The following ACOT7 variants were observed in gnomAD, a reference collection of about 807,000 sequenced individuals.
ACOT7 encodes acyl-CoA thioesterase 7.
In ACOT7, 12 loss-of-function variants were observed where a neutral mutation model predicts 40.2. The observed-to-expected ratio is 0.30, with a 90% CI of 0.19 to 0.48. The LOEUF is 0.48. Ranked by LOEUF, ACOT7 falls within the 20% of genes least tolerant of loss-of-function variation. ACOT7 has a pLI of 0.99. For missense variants in ACOT7, 395 were observed against 530.8 expected, an observed-to-expected ratio of 0.74 and a Z score of 2.51; for synonymous variants, 228 against 219.5, an observed-to-expected ratio of 1.04 and a Z score of -0.34.
At position 6,358,121 on chromosome 1, in the gene ACOT7, G is replaced by A. The variant is rs534789325; in HGVS notation, c.144-8255C>T. Among the ~76,000 whole-genome samples the A allele has an allele frequency of 2.0e-5, 3 of 151,936 alleles. No homozygotes were observed. The highest frequency in any genetic ancestry group is 2.9e-5 in the Non-Finnish European group (2 of 67,950). On this transcript the variant is annotated intron_variant, in intron 1 of 8. Coordinates refer to ENST00000361521, the MANE Select transcript of ACOT7 (RefSeq NM_007274.4). This position sits in a 1 kb window ranked among gnomAD's most constrained non-coding sequence, Gnocchi z 4.1. ...TGACCTCAGTTGATCCACCTGCCTC[G>A]GCCTCCCAAAGTGCTGAGATTACAG...
chr1:6,303,761 C>T (rs1640037064), intron 6 of ACOT7, among the ~76,000 whole-genome samples: 1 of 152,182 alleles, frequency 6.6e-6, no homozygotes, highest in African/African-American at 2.4e-5. Context: ...CAGCCCTGGC[C>T]TCTCCCTCCC....
At chr1:6,322,642 T>C (rs1332399087) in intron 5 of ACOT7, among the ~76,000 whole-genome samples, 1 of 152,242 alleles carries the variant, frequency 6.6e-6, no homozygotes, top group Non-Finnish European at 1.5e-5. Context: ...TTCCTCTGTG[T>C]GTGTCTGTCC....
Position 6,306,497 on chromosome 1 carries a change from C to T in ACOT7, c.713-11517G>A, listed in dbSNP as rs576835234. On this transcript the variant is annotated intron_variant, in intron 6 of 8. Transcript: ENST00000361521. The surrounding 1 kb of genome is among the most constrained non-coding windows in gnomAD (Gnocchi z 4.3). ...CAAGGTTCAAGTTCACCAGTCCCCA[C>T]GTCCCGCTCCCCCGCTGAAGCATCA... The T allele has an allele frequency of 6.1e-5, 60 of 985,352 alleles. No individual in the cohort carries two copies. In the South Asian group the frequency reaches 1.6e-3, roughly 25 times the overall value. The allele number at this position is 985,352 out of a possible 1,614,324, so 61.0% of individuals were successfully genotyped here.
Position 6,301,619 on chromosome 1 carries a change from T to C in ACOT7, c.713-6639A>G, listed in dbSNP as rs1218442122. Among the ~76,000 whole-genome samples, 1 of 152,206 alleles carries C rather than the reference T, an allele frequency of 6.6e-6. No individual in the cohort carries two copies. Reference sequence around the variant, plus strand: ...TGGTGCTCAGGAAATGGTTGCTGAATGAATGAATTAATCAATGAATGAATG... The same window carrying C: ...TGGTGCTCAGGAAATGGTTGCTGAACGAATGAATTAATCAATGAATGAATG... On this transcript the variant is annotated intron_variant, in intron 6 of 8. Coordinates refer to ENST00000361521, the MANE Select transcript of ACOT7 (RefSeq NM_007274.4). This position sits in a 1 kb window ranked among gnomAD's most constrained non-coding sequence, Gnocchi z 4.1.
intron 1 of ACOT7, among the ~76,000 whole-genome samples, chr1:6,367,058 G>T (rs1364099998): frequency 6.6e-6 from 1 of 151,974 alleles, no homozygotes; most frequent in Non-Finnish European, 1.5e-5. Context: ...AATTAGCTGG[G>T]CATGGTGGCA....
chr1:6,378,443 C>G (rs1252480226), intron 1 of ACOT7, among the ~76,000 whole-genome samples: 1 of 151,996 alleles, frequency 6.6e-6, no homozygotes, highest in Non-Finnish European at 1.5e-5. Flanking sequence ...CAGTCCCGGG[C>G]TCATGGGCAC....
chr1:6,305,015 G>A (rs1441841291), intron 6 of ACOT7, among the ~76,000 whole-genome samples: 1 of 150,202 alleles, frequency 6.7e-6, no homozygotes, highest in Non-Finnish European at 1.5e-5. Context: ...CGGCTGGCCG[G>A]GCGGGGCGCT....
chr1:6,276,764 G>A (rs1439888828), intron 8 of ACOT7, among the ~76,000 whole-genome samples: 2 of 152,172 alleles, frequency 1.3e-5, no homozygotes, highest in Non-Finnish European at 2.9e-5. Context: ...AGCCTGCCCC[G>A]CCAGTGGCTA....
At chr1:6,376,395 C>T (rs974340950) in intron 1 of ACOT7, among the ~76,000 whole-genome samples, 2 of 151,888 alleles carry the variant, frequency 1.3e-5, no homozygotes, top group Middle Eastern at 3.4e-3. Context: ...ATTGTACCAC[C>T]GCTTTCCAGC....
chr1:6,317,939 C>T (rs1157827885), intron 6 of ACOT7, among the ~76,000 whole-genome samples: 1 of 152,172 alleles, frequency 6.6e-6, no homozygotes, highest in African/African-American at 2.4e-5. Context: ...GCCATGTTGG[C>T]CAGGCCGGTC....
At chr1:6,293,090 C>T (rs569895820) in intron 7 of ACOT7, among the ~76,000 whole-genome samples, 5 of 152,142 alleles carry the variant, frequency 3.3e-5, no homozygotes, top group African/African-American at 1.2e-4. Flanking sequence ...AGGTTTTCAC[C>T]ATGTTAACCA....
intron 5 of ACOT7, among the ~76,000 whole-genome samples, chr1:6,323,589 A>G (rs1446843758): frequency 2.6e-5 from 4 of 151,560 alleles, no homozygotes; most frequent in Non-Finnish European, 1.5e-5. Context: ...GTGGTGGCAC[A>G]TGCCTGTAAT....
rs777493966 is a variant in ACOT7 at position 6,393,309 on chromosome 1, G to C, written c.91C>G (p.Pro31Ala). The part of the protein sequence containing the change: ...QPPAASAAAA[P>A]SMSGPDVETP... Reference sequence around the variant, plus strand: ...TCGACGTCTGGGCCCGACATGCTGGGGGCTGCGGCGGCGGATGCGGCGGGC... The same window carrying C: ...TCGACGTCTGGGCCCGACATGCTGGCGGCTGCGGCGGCGGATGCGGCGGGC... Residue 31 changes from proline to alanine, a missense_variant, in exon 1 of 9, where the codon CCC becomes GCC. By Grantham distance (27) the Pro-to-Ala change is conservative (BLOSUM62 -1). Around this residue, in one of 2 missense-constraint regions of ACOT7, gnomAD observed 86 missense variants for 60.5 expected, o/e 1.42. Transcript: ENST00000361521. 1 of 1,281,724 alleles carries C rather than the reference G, an allele frequency of 7.8e-7. No individual in the cohort carries two copies. The highest frequency in any genetic ancestry group is 9.9e-7 in the Non-Finnish European group (1 of 1,014,172). The allele number at this position is 1,281,724 out of a possible 1,614,324, so 79.4% of individuals were successfully genotyped here.
chr1:6,370,457 G>GTAT (rs34962967), intron 1 of ACOT7, among the ~76,000 whole-genome samples: 14,545 of 140,652 alleles, frequency 0.1, 763 homozygotes, highest in Middle Eastern at 0.12. Flanking sequence ...AGCAGTGTTA[G>GTAT]TATTATTATT....
rs925216880 is a variant in ACOT7, at chr1:6,299,729, C to A, written c.713-4749G>T. ...TGCGTGTGTTTAAGGGGCTTAGTAGCGGCAGAGCTGCAGCCCACAGACTGA... is the reference window on the plus strand; with the variant it reads ...TGCGTGTGTTTAAGGGGCTTAGTAGAGGCAGAGCTGCAGCCCACAGACTGA... On this transcript the variant is annotated intron_variant, in intron 6 of 8. Coordinates refer to ENST00000361521, the MANE Select transcript of ACOT7 (RefSeq NM_007274.4). This position sits in a 1 kb window ranked among gnomAD's most constrained non-coding sequence, Gnocchi z 4.1. 6.6e-6 allele frequency among the ~76,000 whole-genome samples: 1 copy of A among 151,956 alleles called. No individual in the cohort carries two copies. Among genetic ancestry groups the A allele is most frequent in the Admixed American group, 6.6e-5 (1 of 15,250 alleles).
intron 1 of ACOT7, among the ~76,000 whole-genome samples, chr1:6,366,052 G>A (rs774027993): frequency 1.5e-4 from 23 of 151,728 alleles, no homozygotes; most frequent in South Asian, 1.0e-3. Flanking sequence ...GCGTCACCAC[G>A]CCCAGCTAAT....
At chr1:6,343,028 T>C (rs1343788540) in intron 2 of ACOT7, among the ~76,000 whole-genome samples, 1 of 152,228 alleles carries the variant, frequency 6.6e-6, no homozygotes. Flanking sequence ...CCTTAGGACA[T>C]TGACAGCATG....
At position 6,358,235 on chromosome 1, in the gene ACOT7, G is replaced by A. The variant is rs556148761; in HGVS notation, c.144-8369C>T. 6.4e-4 allele frequency among the ~76,000 whole-genome samples: 97 copies of A among 152,152 alleles called. No homozygotes were observed. Among genetic ancestry groups the A allele is most frequent in the Non-Finnish European group, 1.1e-3 (73 of 68,006 alleles). On this transcript the variant is annotated intron_variant, in intron 1 of 8. Transcript: ENST00000361521. This position sits in a 1 kb window ranked among gnomAD's most constrained non-coding sequence, Gnocchi z 4.1. ...CGAAGTCCCTTCAACCCACAGACAC[G>A]CCACTGCATCTCCAGAAGAGGGAAG...
chr1:6,307,442 G>T (rs1161748602), intron 6 of ACOT7, among the ~76,000 whole-genome samples: 1 of 152,252 alleles, frequency 6.6e-6, no homozygotes, highest in African/African-American at 2.4e-5. Flanking sequence ...GAGGTCACAG[G>T]AAAGTGTGTC....
Sources: allele counts gnomAD v4.1 joint callset (sites outside exome capture counted in the v4.1 genomes callset), GRCh38; gene constraint gnomAD v4.1.1; regional missense constraint gnomAD v4.1.1; non-coding constraint Gnocchi (gnomAD v3.1); transcripts MANE v1.5; gene names NCBI Gene and HGNC (gene_info 2026-07-23, HGNC 2026-07-21).